The following CAVIN2 variants were observed in gnomAD, a reference collection of about 807,000 sequenced individuals.
The protein encoded by CAVIN2 is caveolae-associated protein 2.
CAVIN2 carries 13 observed loss-of-function variants against 11.7 expected under a neutral mutation model. That is an observed-to-expected ratio of 1.11 (90% CI 0.72 to 1.77). The LOEUF (loss-of-function observed/expected upper bound fraction) is 1.77. Among genes scored for constraint, CAVIN2 ranks in the 40% most tolerant of loss-of-function variants. CAVIN2 has a pLI of 0.00. For synonymous variants in CAVIN2, 237 were observed against 223.2 expected (o/e 1.06, Z -0.55); for missense variants, 549 against 542.9 (o/e 1.01, Z -0.11).
chr2:191,843,875 T>C (rs935470671), intron 1 of CAVIN2, among the ~76,000 whole-genome samples: 6 of 152,330 alleles, frequency 3.9e-5, no homozygotes, highest in Non-Finnish European at 7.4e-5. Flanking sequence ...ATGAGAGAGA[T>C]AGGAGGGAAG....
In CAVIN2 at chr2:191,846,536, C is replaced by G. The variant is rs35012125; in HGVS notation, c.390G>C (p.Glu130Asp). 6,468 of 1,614,256 alleles carry G rather than the reference C, an allele frequency of 4.0e-3. 233 individuals carry two copies. The African/African-American group carries it at 0.075, about 19-fold the overall frequency. ...CCTGTGCGCACTGCCTATCCATGCG[C>G]TCTTTGACCGCGCGCGTGTGGGCGC... ...KVSAHTRAVK[E>D]RMDRQCAQVK... is the part of the protein sequence containing the mutation. Residue 130 changes from glutamate to aspartate, a missense_variant, in exon 1 of 2, where the codon GAG becomes GAC. Coordinates refer to ENST00000304141, the MANE Select transcript of CAVIN2 (RefSeq NM_004657.6).
chr2:191,845,810 G>A (rs1264001965), intron 1 of CAVIN2, among the ~76,000 whole-genome samples: 3 of 152,090 alleles, frequency 2.0e-5, no homozygotes, highest in Non-Finnish European at 4.4e-5. Flanking sequence ...GGAGAGGCAC[G>A]TCTAGTGTGT....
Position 191,835,983 on chromosome 2 carries a change from CG to C in CAVIN2, c.1217del (p.Ala406GlyfsTer60), listed in dbSNP as rs764785424. ...GCACGGGGTCCCCATCGGAGCGCTC[CG>C]CCTCCTCGGATGTTAGCGCGTAGCT... ...EGSYALTSEEAERSDGDPVQP... is the reference protein window; with the variant it reads ...EGSYALTSEEXERSDGDPVQP... On this transcript the variant is annotated frameshift_variant, in exon 2 of 2. Coordinates refer to ENST00000304141, the MANE Select transcript of CAVIN2 (RefSeq NM_004657.6). LOFTEE classifies it low-confidence loss of function (END_TRUNC). The C allele has an allele frequency of 1.2e-6, 2 of 1,614,128 alleles. No individual in the cohort carries two copies.
Position 191,847,025 on chromosome 2 carries a change from G to C in CAVIN2, c.-100C>G. 1 of 1,449,168 alleles carries C rather than the reference G, an allele frequency of 6.9e-7. No homozygotes were observed. The highest frequency in any genetic ancestry group is 2.3e-5 in the Admixed American group (1 of 43,440). The allele number at this position is 1,449,168 out of a possible 1,614,324, so 89.8% of individuals were successfully genotyped here. ...TGTAGGATGAGGCCCGCTGGTTGGAGCTCAGGGCACCAGTCTCCAGGACTG... is the reference window on the plus strand; with the variant it reads ...TGTAGGATGAGGCCCGCTGGTTGGACCTCAGGGCACCAGTCTCCAGGACTG... On this transcript the variant is annotated 5_prime_UTR_variant, in exon 1 of 2. Transcript: ENST00000304141.
rs566530569 is a variant in CAVIN2, at chr2:191,835,059, C to T, written c.*864G>A. ...TATTAAGAAAAATACAGCTTTAACA[C>T]TATAAAATGTTTATTATTAAAAATA... is the stretch of plus-strand genomic sequence containing the variant. On this transcript the variant is annotated 3_prime_UTR_variant, in exon 2 of 2. Coordinates refer to ENST00000304141, the MANE Select transcript of CAVIN2 (RefSeq NM_004657.6). 12 of 152,008 alleles carry T rather than the reference C, an allele frequency of 7.9e-5. No homozygotes were observed. The South Asian group carries it at 1.9e-3, about 24-fold the overall frequency. The allele number at this position is 152,008 out of a possible 1,614,324, so 9.4% of individuals were successfully genotyped here. A position where few individuals can be genotyped will look rare whatever the true frequency, so the allele number is the denominator to read the frequency against.
rs1308567562 is a variant in CAVIN2, at chr2:191,835,378, T to C, written c.*545A>G. ...TCCTTCGTTTGCAATAAAACAATGG[T>C]TTCTAGCAAGTAAACAACCAACTGA... On this transcript the variant is annotated 3_prime_UTR_variant, in exon 2 of 2. Coordinates refer to ENST00000304141, the MANE Select transcript of CAVIN2 (RefSeq NM_004657.6). 6.6e-6 allele frequency: 1 copy of C among 152,310 alleles called. No individual in the cohort carries two copies. Among genetic ancestry groups the C allele is most frequent in the Non-Finnish European group, 1.5e-5 (1 of 68,128 alleles). The allele number at this position is 152,310 out of a possible 1,614,324, so 9.4% of individuals were successfully genotyped here. A position where few individuals can be genotyped will look rare whatever the true frequency, so the allele number is the denominator to read the frequency against.
chr2:191,844,054 A>C (rs1208830915), intron 1 of CAVIN2, among the ~76,000 whole-genome samples: 1 of 152,214 alleles, frequency 6.6e-6, no homozygotes, highest in African/African-American at 2.4e-5. Flanking sequence ...TTACCAATGT[A>C]TGCTGGGTTT....
At chr2:191,844,125 G>A (rs1690132763) in intron 1 of CAVIN2, among the ~76,000 whole-genome samples, 1 of 152,172 alleles carries the variant, frequency 6.6e-6, no homozygotes, top group African/African-American at 2.4e-5. Flanking sequence ...GAGGAAACAG[G>A]TTTGGAGAAG....
chr2:191,843,287 C>G (rs1690118747), intron 1 of CAVIN2, among the ~76,000 whole-genome samples: 2 of 152,326 alleles, frequency 1.3e-5, no homozygotes, highest in Middle Eastern at 6.8e-3. Flanking sequence ...TGAAAATGTA[C>G]TCTTCTCAAC....
chr2:191,844,008 C>A (rs1690131242), intron 1 of CAVIN2, among the ~76,000 whole-genome samples: 1 of 152,126 alleles, frequency 6.6e-6, no homozygotes, highest in Non-Finnish European at 1.5e-5. Context: ...TCTCAACATC[C>A]TCATCTGTAG....
chr2:191,845,685 G>GCAAAA (rs1690155585), intron 1 of CAVIN2, among the ~76,000 whole-genome samples: 1 of 152,086 alleles, frequency 6.6e-6, no homozygotes, highest in Non-Finnish European at 1.5e-5. Flanking sequence ...AAAATTAAGT[G>GCAAAA]GCCTTTTTAT....
In CAVIN2 at chr2:191,846,595, C is replaced by T. The variant is rs750257572; in HGVS notation, c.331G>A (p.Val111Met). 9.3e-6 allele frequency: 15 copies of T among 1,614,154 alleles called. No homozygotes were observed. The highest frequency in any genetic ancestry group is 6.6e-5 in the South Asian group (6 of 91,094). ...CGGGACTTCTCCAGCAGCTTGCTCACCGTGTTGCTGGTGGAGGCCTGGTAC... is the reference window on the plus strand; with the variant it reads ...CGGGACTTCTCCAGCAGCTTGCTCATCGTGTTGCTGGTGGAGGCCTGGTAC... ...SKYQASTSNT[V>M]SKLLEKSRKV... Residue 111 changes from valine (V) to methionine (M), a missense_variant, in exon 1 of 2, where the codon GTG becomes ATG. Coordinates refer to ENST00000304141, the MANE Select transcript of CAVIN2 (RefSeq NM_004657.6).
chr2:191,839,333 A>G (rs1046264795), intron 1 of CAVIN2, among the ~76,000 whole-genome samples: 4 of 152,250 alleles, frequency 2.6e-5, no homozygotes, highest in African/African-American at 9.6e-5. Context: ...AGGTAGGCAT[A>G]TTAACTGAAC....
chr2:191,837,422 T>C (rs527492368), intron 1 of CAVIN2, among the ~76,000 whole-genome samples: 1 of 152,290 alleles, frequency 6.6e-6, no homozygotes, highest in East Asian at 1.9e-4. Flanking sequence ...GGGTTATTTT[T>C]AGAGTAGTGA....
chr2:191,835,445 ATATAGT>A lies in CAVIN2; in HGVS notation c.*472_*477del, dbSNP rs755642605. The A allele has an allele frequency of 5.2e-5, 8 of 153,200 alleles. No homozygotes were observed. Among genetic ancestry groups the A allele is most frequent in the African/African-American group, 7.2e-5 (3 of 41,480 alleles). 9.5% of individuals were successfully genotyped at this position (153,200 alleles called of 1,614,324 possible). On this transcript the variant is annotated 3_prime_UTR_variant, in exon 2 of 2. Transcript: ENST00000304141. ...TTCGTAGATGTTTTCTTCTTAAAAC[ATATAGT>A]TATATGTTTAGCTTACATATTTATG...
Position 191,846,629 on chromosome 2 carries a change from C to T in CAVIN2, c.297G>A (p.Lys99=), listed in dbSNP as rs748435720. 1.2e-6 allele frequency: 2 copies of T among 1,614,238 alleles called. No individual in the cohort carries two copies. Among genetic ancestry groups the T allele is most frequent in the Non-Finnish European group, 1.7e-6 (2 of 1,180,042 alleles). Residue 99 remains lysine, a synonymous_variant, in exon 1 of 2, where the codon AAG becomes AAA. Transcript: ENST00000304141. The stretch of plus-strand genomic sequence containing the variant: ...TGGTGGAGGCCTGGTACTTGGAGAG[C>T]TTGGTGAGGTCATTCTGGATGCCCT... The part of the protein sequence containing the change: ...SVKGIQNDLT[K]LSKYQASTSN...
intron 1 of CAVIN2, among the ~76,000 whole-genome samples, chr2:191,837,474 T>C (rs1690039981): frequency 6.6e-6 from 1 of 152,202 alleles, no homozygotes; most frequent in Non-Finnish European, 1.5e-5. Context: ...AATTCTCTAG[T>C]GTTACACAGA....
At chr2:191,840,454 A>C (rs931020411) in intron 1 of CAVIN2, among the ~76,000 whole-genome samples, 1 of 152,176 alleles carries the variant, frequency 6.6e-6, no homozygotes, top group Non-Finnish European at 1.5e-5. Flanking sequence ...CTGACCTTTC[A>C]CGAGAACCCT....
intron 1 of CAVIN2, among the ~76,000 whole-genome samples, chr2:191,845,185 A>G (rs1340125808): frequency 6.6e-6 from 1 of 152,250 alleles, no homozygotes; most frequent in Admixed American, 6.5e-5. Flanking sequence ...AAAGCCTGCA[A>G]GGTAGAGGAG....
Sources: gnomAD v4.1 joint callset for allele counts (sites outside exome capture counted in the v4.1 genomes callset) on GRCh38, gnomAD v4.1.1 for gene constraint, MANE v1.5 for transcripts, NCBI Gene and HGNC (gene_info 2026-07-23, HGNC 2026-07-21) for gene names.